The following NDUFA10 variants were observed in gnomAD, a reference collection of about 807,000 sequenced individuals.
NDUFA10 encodes NADH:ubiquinone oxidoreductase subunit A10, also known as NADH dehydrogenase [ubiquinone] 1 alpha subcomplex subunit 10, mitochondrial.
A neutral mutation model predicts 47.8 loss-of-function variants in NDUFA10; 40 were observed. The observed-to-expected ratio is 0.84, with a 90% CI of 0.65 to 1.09. The LOEUF is 1.09. NDUFA10 is among the 50% of genes least tolerant of loss of function. The pLI is 0.00. For synonymous variants in NDUFA10, 183 were observed against 172.2 expected, an observed-to-expected ratio of 1.06 and a Z score of -0.49; for missense variants, 413 against 451.1, an observed-to-expected ratio of 0.92 and a Z score of 0.76.
At chr2:240,008,071 C>T (rs1192864912) in intron 6 of NDUFA10, among the ~76,000 whole-genome samples, 2 of 152,164 alleles carry the variant, frequency 1.3e-5, no homozygotes, top group Non-Finnish European at 1.5e-5. Context: ...TTCAACAGAC[C>T]ACTGGTTGAT....
intron 9 of NDUFA10, chr2:239,983,523 A>G (rs1164969532): frequency 4.4e-6 from 7 of 1,600,826 alleles, no homozygotes; most frequent in Non-Finnish European, 5.1e-6. Context: ...TTACTCAACA[A>G]AGGAACATAA....
intron 4 of NDUFA10, among the ~76,000 whole-genome samples, chr2:239,916,158 GAC>G (rs1332738592): frequency 1.4e-5 from 2 of 146,490 alleles, no homozygotes; most frequent in Non-Finnish European, 3.0e-5. Flanking sequence ...CACACAGAGA[GAC>G]ACACAGAGAT....
chr2:239,909,102 A>G (rs1030599518), intron 4 of NDUFA10, among the ~76,000 whole-genome samples: 8 of 152,164 alleles, frequency 5.3e-5, no homozygotes, highest in African/African-American at 1.7e-4. Flanking sequence ...AAGAAATAAC[A>G]GTTCTTGCAT....
At chr2:239,905,483 G>GA (rs146507754) in intron 4 of NDUFA10, among the ~76,000 whole-genome samples, 1 of 152,262 alleles carries the variant, frequency 6.6e-6, no homozygotes, top group African/African-American at 2.4e-5. Context: ...TGGTGGCGGG[G>GA]TATGTGCGTC....
In NDUFA10 at chr2:240,016,804, TTCAGCAGACAC is replaced by T. The variant is rs1697366974; in HGVS notation, c.547+1738_547+1748del. Among the ~76,000 whole-genome samples the T allele has an allele frequency of 6.6e-6, 1 of 152,128 alleles. No homozygotes were observed. Among genetic ancestry groups the T allele is most frequent in the African/African-American group, 2.4e-5 (1 of 41,422 alleles). ...CTCCAGCCCAGGCCAGTCCTCAGACTTCAGCAGACACTCAGCAGATGCCGACAGGTATCTCC... is the reference window on the plus strand; with the variant it reads ...CTCCAGCCCAGGCCAGTCCTCAGACTTCAGCAGATGCCGACAGGTATCTCC... On this transcript the variant is annotated intron_variant, in intron 4 of 9. Coordinates refer to ENST00000252711, the MANE Select transcript of NDUFA10 (RefSeq NM_004544.4). The surrounding 1 kb of genome is among the most constrained non-coding windows in gnomAD (Gnocchi z 4.4).
At chr2:239,937,736 C>T (rs1442417748) in intron 4 of NDUFA10, among the ~76,000 whole-genome samples, 2 of 152,162 alleles carry the variant, frequency 1.3e-5, no homozygotes, top group African/African-American at 4.8e-5. Context: ...TGAGGAACCA[C>T]CAAGCTGTTT....
chr2:239,910,286 T>C (rs1275241070), intron 4 of NDUFA10, among the ~76,000 whole-genome samples: 1 of 152,200 alleles, frequency 6.6e-6, no homozygotes, highest in Non-Finnish European at 1.5e-5. Context: ...TGCAGCACTA[T>C]TCACAATAGC....
Position 240,014,837 on chromosome 2 carries a change from T to A in NDUFA10, c.571A>T (p.Lys191Ter). 1 of 1,614,098 alleles carries A rather than the reference T, an allele frequency of 6.2e-7. No individual in the cohort carries two copies. The highest frequency in any genetic ancestry group is 8.5e-7 in the Non-Finnish European group (1 of 1,179,956). ...AGGTAATCGCAGATGGTGACGCTCT[T>A]CACCTCGTTGTAGTGGTCCACACCT... ...KQCVDHYNEV[K>*]SVTICDYLPP... is the part of the protein sequence containing the mutation. Residue 191 changes from lysine (K) to a stop codon, truncating the protein, a stop_gained, in exon 5 of 10, where the codon AAG becomes TAG. Transcript: ENST00000252711. LOFTEE classifies it high-confidence loss of function.
chr2:239,913,997 A>C (rs997764219), intron 4 of NDUFA10, among the ~76,000 whole-genome samples: 4 of 152,236 alleles, frequency 2.6e-5, no homozygotes, highest in African/African-American at 9.6e-5. Flanking sequence ...GGTGGGCAGG[A>C]ACTGAGGCGG....
intron 4 of NDUFA10, among the ~76,000 whole-genome samples, chr2:239,901,046 C>T (rs1693536163): frequency 6.6e-6 from 1 of 152,212 alleles, no homozygotes; most frequent in Non-Finnish European, 1.5e-5. Context: ...CCATCTAGGA[C>T]TTTCATAGCT....
rs149870412 is a variant in NDUFA10 at position 239,972,077 on chromosome 2, A to G, written c.1000-10891T>C. Among the ~76,000 whole-genome samples the G allele has an allele frequency of 3.3e-3, 501 of 152,192 alleles. 3 individuals carry two copies. The highest frequency in any genetic ancestry group is 0.012 in the African/African-American group (480 of 41,518). ...TCTTGGGGGATGTTTATATCCTAGT[A>G]GTCACCTCAGGGACATTCAAGGATG... is the stretch of plus-strand genomic sequence containing the variant. On this transcript the variant is annotated intron_variant, in intron 9 of 9. Coordinates refer to ENST00000252711, the MANE Select transcript of NDUFA10 (RefSeq NM_004544.4).
At chr2:239,919,008 G>A (rs1481739178) in intron 4 of NDUFA10, among the ~76,000 whole-genome samples, 2 of 152,202 alleles carry the variant, frequency 1.3e-5, no homozygotes, top group East Asian at 3.9e-4. Flanking sequence ...ACCCCATGAA[G>A]GGCAGACTCC....
chr2:239,918,764 G>A (rs1422841503), intron 4 of NDUFA10, among the ~76,000 whole-genome samples: 1 of 152,214 alleles, frequency 6.6e-6, no homozygotes, highest in African/African-American at 2.4e-5. Flanking sequence ...CACGCATGGT[G>A]ACTGGTTACC....
chr2:239,968,768 G>T (rs1020799965), intron 9 of NDUFA10, among the ~76,000 whole-genome samples: 1 of 152,192 alleles, frequency 6.6e-6, no homozygotes, highest in Non-Finnish European at 1.5e-5. Flanking sequence ...TTCTGGGAAA[G>T]AACAGTTTCC....
rs147883606 is a variant in NDUFA10 at position 239,921,849 on chromosome 2, G to T, written c.295-26535C>A. ...GGGGACGGGACACTGCTGGCTCTTTGCTCAGGTCCATCCTCCTGACCCTCT... is the reference window on the plus strand; with the variant it reads ...GGGGACGGGACACTGCTGGCTCTTTTCTCAGGTCCATCCTCCTGACCCTCT... On this transcript the variant is annotated intron_variant, in intron 4 of 5. Transcript: ENST00000419408. Among the ~76,000 whole-genome samples the T allele has an allele frequency of 8.0e-3, 1,216 of 152,118 alleles. 7 individuals carry two copies. The highest frequency in any genetic ancestry group is 0.013 in the Admixed American group (205 of 15,282).
At chr2:240,024,911 C>G (rs1229932193) in intron 1 of NDUFA10, among the ~76,000 whole-genome samples, 1 of 152,244 alleles carries the variant, frequency 6.6e-6, no homozygotes, top group African/African-American at 2.4e-5. Context: ...TATCTAATGA[C>G]AAGCGCGTGT....
chr2:239,934,612 C>T (rs1694232813), intron 4 of NDUFA10, among the ~76,000 whole-genome samples: 1 of 152,130 alleles, frequency 6.6e-6, no homozygotes, highest in Admixed American at 6.5e-5. Flanking sequence ...GTACTGGGAG[C>T]ATTCAACATC....
At chr2:239,895,337 C>A in intron 4 of NDUFA10, 1 of 457,982 alleles carries the variant, frequency 2.2e-6, no homozygotes, top group Non-Finnish European at 4.5e-6. Context: ...AGGACAGTGA[C>A]CACAGAGCAT....
intron 4 of NDUFA10, among the ~76,000 whole-genome samples, chr2:239,896,785 G>A (rs1693407210): frequency 6.6e-6 from 1 of 152,198 alleles, no homozygotes; most frequent in African/African-American, 2.4e-5. Flanking sequence ...CAAGTCATCT[G>A]CAAGTCAAAC....
Sources: gnomAD v4.1 joint callset for allele counts (sites outside exome capture counted in the v4.1 genomes callset) on GRCh38, gnomAD v4.1.1 for gene constraint, Gnocchi (gnomAD v3.1) non-coding constraint, MANE v1.5 for transcripts, NCBI Gene and HGNC (gene_info 2026-07-23, HGNC 2026-07-21) for gene names.